The following GNAO1 variants were observed in gnomAD, a reference collection of about 807,000 sequenced individuals.
The protein encoded by GNAO1 is G protein subunit alpha o1.
For missense variants in GNAO1, 166 were observed against 478.7 expected (o/e 0.35, Z 6.10); for synonymous variants, 164 against 180.7 (o/e 0.91, Z 0.74).
chr16:56,196,937 A>G (rs1879487969), intron 2 of GNAO1, among the ~76,000 whole-genome samples: 1 of 152,236 alleles, frequency 6.6e-6, no homozygotes, highest in South Asian at 2.1e-4. Flanking sequence ...CTGTCTTAAA[A>G]GGTCACCTGT....
intron 2 of GNAO1, among the ~76,000 whole-genome samples, chr16:56,249,766 C>T (rs1402399490): frequency 2.6e-5 from 4 of 152,188 alleles, no homozygotes; most frequent in African/African-American, 9.7e-5. Flanking sequence ...TGCAGCAGCT[C>T]CAGGCATTAT....
intron 5 of GNAO1, among the ~76,000 whole-genome samples, chr16:56,335,932 G>A (rs1046445149): frequency 3.3e-5 from 5 of 152,310 alleles, no homozygotes; most frequent in Middle Eastern, 6.8e-3. Flanking sequence ...ATCTCTGCCT[G>A]CAGTCACTCC....
chr16:56,309,135 GC>G (rs1196936967), intron 3 of GNAO1, among the ~76,000 whole-genome samples: 2 of 152,116 alleles, frequency 1.3e-5, no homozygotes, highest in Non-Finnish European at 2.9e-5. Flanking sequence ...TCTCCTAGCT[GC>G]TGTGGGGACA....
At chr16:56,272,722 A>G (rs975949644) in intron 2 of GNAO1, among the ~76,000 whole-genome samples, 5 of 152,230 alleles carry the variant, frequency 3.3e-5, no homozygotes, top group Non-Finnish European at 7.3e-5. Context: ...CTTCTGTCAA[A>G]TGGGTATAAT....
At chr16:56,246,808 C>T (rs2036749333) in intron 2 of GNAO1, among the ~76,000 whole-genome samples, 1 of 152,180 alleles carries the variant, frequency 6.6e-6, no homozygotes, top group South Asian at 2.1e-4. Context: ...TGCCTCTCCT[C>T]TCCCCTCCCT....
intron 2 of GNAO1, among the ~76,000 whole-genome samples, chr16:56,275,360 G>A (rs1210015946): frequency 3.3e-5 from 5 of 152,226 alleles, no homozygotes; most frequent in South Asian, 2.1e-4. Context: ...CCACCAGAAC[G>A]AGGGTGGTAT....
intron 3 of GNAO1, among the ~76,000 whole-genome samples, chr16:56,291,097 C>T (rs1369406468): frequency 1.3e-5 from 2 of 152,172 alleles, no homozygotes; most frequent in Admixed American, 1.3e-4. Context: ...AAGTTTTGTA[C>T]AGACTCATGT....
At chr16:56,348,494 G>A (rs2037893687) in intron 6 of GNAO1, among the ~76,000 whole-genome samples, 1 of 152,256 alleles carries the variant, frequency 6.6e-6, no homozygotes, top group Non-Finnish European at 1.5e-5. Flanking sequence ...TGGTTGCGCT[G>A]GCACTGCTTC....
In GNAO1 at chr16:56,334,641, G is replaced by C; in HGVS notation, c.465-88G>C. 5 of 1,427,868 alleles carry C rather than the reference G, an allele frequency of 3.5e-6. No individual in the cohort carries two copies. The South Asian group carries it at 6.2e-5, about 18-fold the overall frequency. The allele number at this position is 1,427,868 out of a possible 1,614,324, so 88.4% of individuals were successfully genotyped here. On this transcript the variant is annotated intron_variant, in intron 4 of 8. Transcript: ENST00000262493. Reference sequence around the variant, plus strand: ...AGTGACCTGGAGGGGCCCTGACCGAGACTGGACTCTGAAGATGGGTGGCCT... The same window carrying C: ...AGTGACCTGGAGGGGCCCTGACCGACACTGGACTCTGAAGATGGGTGGCCT...
chr16:56,315,143 A>G (rs768785165), intron 3 of GNAO1, among the ~76,000 whole-genome samples: 2 of 152,330 alleles, frequency 1.3e-5, no homozygotes, highest in East Asian at 1.9e-4. Flanking sequence ...GGACTTGCCT[A>G]TTCCCACCCT....
intron 2 of GNAO1, among the ~76,000 whole-genome samples, chr16:56,254,362 T>C (rs1218404722): frequency 2.0e-5 from 3 of 152,228 alleles, no homozygotes; most frequent in Non-Finnish European, 4.4e-5. Context: ...GTTTAATGCA[T>C]TAAAGTTTCT....
At chr16:56,327,912 C>T (rs908611562) in intron 3 of GNAO1, among the ~76,000 whole-genome samples, 47 of 152,100 alleles carry the variant, frequency 3.1e-4, no homozygotes, top group African/African-American at 1.1e-3. Context: ...AAAGGTAGGC[C>T]CCAGGTCACA....
At chr16:56,291,848 CA>C (rs2037235939) in intron 3 of GNAO1, among the ~76,000 whole-genome samples, 1 of 152,132 alleles carries the variant, frequency 6.6e-6, no homozygotes, top group South Asian at 2.1e-4. Flanking sequence ...GCAGAAGGGA[CA>C]AAAGGCTCCC....
chr16:56,192,643 T>G, intron 2 of GNAO1, 27 bp downstream of exon 2: 1 of 1,409,322 alleles, frequency 7.1e-7, no homozygotes, highest in Non-Finnish European at 1.0e-6. Flanking sequence ...TTGGGATTCG[T>G]ACTTTTATTA....
chr16:56,277,719 G>A (rs1264762401), intron 3 of GNAO1, among the ~76,000 whole-genome samples: 1 of 151,080 alleles, frequency 6.6e-6, no homozygotes, highest in African/African-American at 2.4e-5. Context: ...ACTAAGTGGG[G>A]AGCGTGATAT....
At chr16:56,292,370 AT>A (rs1322082984) in intron 3 of GNAO1, among the ~76,000 whole-genome samples, 9 of 151,636 alleles carry the variant, frequency 5.9e-5, no homozygotes, top group East Asian at 1.9e-4. Context: ...TTAAATTTGG[AT>A]TTTTTTTTAA....
intron 2 of GNAO1, among the ~76,000 whole-genome samples, chr16:56,221,651 C>CAAAAAAAA (rs11306838): frequency 1.2e-5 from 1 of 83,872 alleles, no homozygotes. Flanking sequence ...GACTGCATCT[C>CAAAAAAAA]AAAAAAAAAA....
intron 2 of GNAO1, among the ~76,000 whole-genome samples, chr16:56,244,673 C>G (rs924520207): frequency 6.6e-6 from 1 of 152,118 alleles, no homozygotes; most frequent in South Asian, 2.1e-4. Context: ...TGGCTTTCCT[C>G]TAGTCTCTAG....
At chr16:56,232,605 A>G (rs1309076717) in intron 2 of GNAO1, among the ~76,000 whole-genome samples, 3 of 152,210 alleles carry the variant, frequency 2.0e-5, no homozygotes, top group South Asian at 2.1e-4. Context: ...CTCTTTTTGC[A>G]TGAAAAACTA....
Sources: gnomAD v4.1 joint callset for allele counts (sites outside exome capture counted in the v4.1 genomes callset) on GRCh38, gnomAD v4.1.1 for gene constraint, MANE v1.5 for transcripts, NCBI Gene and HGNC (gene_info 2026-07-23, HGNC 2026-07-21) for gene names.